HECTD2: variants seen among roughly 807,000 people sequenced by gnomAD.
HECTD2 encodes the protein probable E3 ubiquitin-protein ligase HECTD2.
A neutral mutation model predicts 103.2 loss-of-function variants in HECTD2; 35 were observed. That is an observed-to-expected ratio of 0.34 (90% CI 0.26 to 0.45). The LOEUF is 0.45. HECTD2 is among the 20% of genes least tolerant of loss of function. The pLI, the probability that HECTD2 is intolerant of heterozygous loss-of-function variation, is 1.00. For missense variants in HECTD2, 596 were observed against 937.4 expected, an observed-to-expected ratio of 0.64 and a Z score of 4.76; for synonymous variants, 281 against 329.9, an observed-to-expected ratio of 0.85 and a Z score of 1.61.
At position 91,457,717 on chromosome 10, in the gene HECTD2, A is replaced by ATGC. The variant is rs758242990; in HGVS notation, c.269-2708_269-2706dup. On this transcript the variant is annotated intron_variant, in intron 2 of 20. Transcript: ENST00000298068. Reference sequence around the variant, plus strand: ...ATTTTATGTAGTTGTGAAAGACTGAATGCTTTTACCTTAAGTTTGGGAACA... The same window carrying ATGC: ...ATTTTATGTAGTTGTGAAAGACTGAATGCTGCTTTTACCTTAAGTTTGGGAACA... 7.2e-5 allele frequency among the ~76,000 whole-genome samples: 11 copies of ATGC among 152,178 alleles called. No individual in the cohort carries two copies. In the South Asian group the frequency reaches 1.5e-3, roughly 20 times the overall value.
chr10:91,466,399 T>C (rs895473937), intron 5 of HECTD2, among the ~76,000 whole-genome samples: 7 of 152,186 alleles, frequency 4.6e-5, no homozygotes, highest in African/African-American at 1.7e-4. Flanking sequence ...CTGTTCCCTG[T>C]TTTAAGTTTC....
chr10:91,485,390 A>G, intron 10 of HECTD2, 87 bp downstream of exon 10: 1 of 880,268 alleles, frequency 1.1e-6, no homozygotes, highest in Non-Finnish European at 1.7e-6. Flanking sequence ...TGAAGTTTAC[A>G]CATACGTTTA....
At chr10:91,435,523 A>G (rs1430577967) in intron 2 of HECTD2, among the ~76,000 whole-genome samples, 1 of 151,978 alleles carries the variant, frequency 6.6e-6, no homozygotes, top group African/African-American at 2.4e-5. Flanking sequence ...CTTGGTGATG[A>G]CAAGTATCAA....
intron 2 of HECTD2, among the ~76,000 whole-genome samples, chr10:91,428,483 A>G (rs1843677520): frequency 6.6e-6 from 1 of 150,824 alleles, no homozygotes; most frequent in South Asian, 2.1e-4. Context: ...GGCCATTTTC[A>G]CAATATTGAT....
chr10:91,447,766 C>A (rs1844640336), intron 2 of HECTD2, among the ~76,000 whole-genome samples: 1 of 21,152 alleles, frequency 4.7e-5, no homozygotes, highest in African/African-American at 1.6e-4. Context: ...ATGAAACAGA[C>A]TTTAAACCAA....
intron 20 of HECTD2, among the ~76,000 whole-genome samples, chr10:91,504,358 C>CAA: frequency 6.6e-6 from 1 of 151,466 alleles, no homozygotes; most frequent in East Asian, 1.9e-4. Context: ...AAACCAAAGG[C>CAA]AAAGAAGTTG....
intron 20 of HECTD2, among the ~76,000 whole-genome samples, chr10:91,505,817 T>G (rs924635943): frequency 1.1e-4 from 14 of 126,260 alleles, no homozygotes; most frequent in Middle Eastern, 4.2e-3. Context: ...CAACAGAATA[T>G]ACATTTTTTT....
At chr10:91,462,205 G>A (rs763753986) in intron 5 of HECTD2, 21 bp downstream of exon 5, 2 of 1,564,840 alleles carry the variant, frequency 1.3e-6, no homozygotes, top group Non-Finnish European at 1.7e-6. Context: ...TGACATGCAA[G>A]TAATATTATT....
rs548445760 is a variant in HECTD2 at position 91,411,036 on chromosome 10, C to G, written c.138+460C>G. Among the ~76,000 whole-genome samples, 123 of 152,278 alleles carry G rather than the reference C, an allele frequency of 8.1e-4. 1 individual carries two copies. In the South Asian group the frequency reaches 0.024, roughly 29 times the overall value. ...CTTCCCCCTTCAGATTAAACAGGCT[C>G]TGCGGCGAGTTTCCACTTAATTGTG... On this transcript the variant is annotated intron_variant, in intron 1 of 20. Coordinates refer to ENST00000298068, the MANE Select transcript of HECTD2 (RefSeq NM_182765.6).
At chr10:91,495,948 T>C (rs1480011193) in intron 14 of HECTD2, among the ~76,000 whole-genome samples, 1 of 152,184 alleles carries the variant, frequency 6.6e-6, no homozygotes, top group African/African-American at 2.4e-5. Flanking sequence ...TTGCTGCCTG[T>C]TGTGATCTTA....
chr10:91,459,381 A>G (rs1432835289), intron 2 of HECTD2, among the ~76,000 whole-genome samples: 2 of 152,192 alleles, frequency 1.3e-5, no homozygotes, highest in South Asian at 2.1e-4. Context: ...TAACCTCTAC[A>G]CAAATGTTTC....
intron 2 of HECTD2, among the ~76,000 whole-genome samples, chr10:91,433,470 A>G (rs868546556): frequency 1.4e-4 from 22 of 152,092 alleles, no homozygotes; most frequent in African/African-American, 5.1e-4. Context: ...CATGTATTCT[A>G]GATATCTTTC....
At chr10:91,466,871 A>G (rs1212207637) in intron 5 of HECTD2, among the ~76,000 whole-genome samples, 1 of 152,154 alleles carries the variant, frequency 6.6e-6, no homozygotes, top group African/African-American at 2.4e-5. Flanking sequence ...TTAAATACAT[A>G]TTGCTAAGTG....
At chr10:91,420,280 CAAA>C (rs58296918) in intron 1 of HECTD2, among the ~76,000 whole-genome samples, 3 of 109,900 alleles carry the variant, frequency 2.7e-5, no homozygotes, top group African/African-American at 8.5e-5. Flanking sequence ...TTTATGATTA[CAAA>C]AAAAAAAAAA....
chr10:91,485,882 A>AAT (rs1380179202), intron 10 of HECTD2: 11 of 152,136 alleles, frequency 7.2e-5, no homozygotes, highest in Non-Finnish European at 2.9e-5. Context: ...CATTAGGTGC[A>AAT]ATATAAAAAG....
intron 2 of HECTD2, among the ~76,000 whole-genome samples, chr10:91,445,014 G>T (rs1210878421): frequency 6.6e-6 from 1 of 152,166 alleles, no homozygotes; most frequent in African/African-American, 2.4e-5. Flanking sequence ...AAGAATAAGG[G>T]CTGTGGTAGG....
chr10:91,410,104 C>G (rs1223476390), upstream of HECTD2, among the ~76,000 whole-genome samples: 3 of 152,022 alleles, frequency 2.0e-5, no homozygotes, highest in East Asian at 5.8e-4. Context: ...GGGCGTCGAC[C>G]GTGGCGCCTT....
intron 16 of HECTD2, 115 bp from the exon 17 acceptor site, chr10:91,498,757 T>A: frequency 1.6e-6 from 1 of 623,192 alleles, no homozygotes; most frequent in East Asian, 2.7e-5. Flanking sequence ...CTTTTATAGT[T>A]TATGTGTTTA....
In HECTD2 at chr10:91,426,567, T is replaced by TACACACAC. The variant is rs58234316; in HGVS notation, c.268+1167_268+1174dup. On this transcript the variant is annotated intron_variant, in intron 2 of 20. Transcript: ENST00000298068. ...TCTTTCTTTTATTTGCATACAAACA[T>TACACACAC]ACACACACACACACACAAGCACACA... Among the ~76,000 whole-genome samples the TACACACAC allele has an allele frequency of 1.2e-3, 180 of 150,168 alleles. 1 individual carries two copies. Among genetic ancestry groups the TACACACAC allele is most frequent in the African/African-American group, 4.3e-3 (174 of 40,938 alleles).
Sources: gnomAD v4.1 joint callset for allele counts (sites outside exome capture counted in the v4.1 genomes callset) on GRCh38, gnomAD v4.1.1 for gene constraint, MANE v1.5 for transcripts, NCBI Gene and HGNC (gene_info 2026-07-23, HGNC 2026-07-21) for gene names.